Variants in MARCHF4 observed in about 807,000 individuals in gnomAD.
MARCHF4 encodes the protein membrane associated ring-CH-type finger 4.
Under a neutral mutation model 43.9 loss-of-function variants are expected in MARCHF4, and 14 were observed. The ratio of observed to expected loss-of-function variants is 0.32; its 90% CI spans 0.21 to 0.50. The LOEUF (loss-of-function observed/expected upper bound fraction) is 0.50. Among genes scored for constraint, MARCHF4 ranks in the 20% least tolerant of loss-of-function variants. MARCHF4 has a pLI of 0.98. For synonymous variants in MARCHF4, 226 were observed against 213.3 expected (o/e 1.06, Z -0.52); for missense variants, 468 against 536.7 (o/e 0.87, Z 1.27).
intron 1 of MARCHF4, among the ~76,000 whole-genome samples, chr2:216,314,291 G>A (rs767667956): frequency 1.3e-5 from 2 of 151,642 alleles, no homozygotes; most frequent in Non-Finnish European, 2.9e-5. Flanking sequence ...AATTAGGGGT[G>A]CATATATTAA....
chr2:216,370,516 C>T lies in MARCHF4; in HGVS notation c.-256G>A, dbSNP rs1010783559. On this transcript the variant is annotated 5_prime_UTR_variant, in exon 1 of 4. Transcript: ENST00000273067. ...TGCCCTCACACACCCACCCCAACCT[C>T]CAACTTTGTTCAGTGTGTCTCCTTT... 1.5e-5 allele frequency: 6 copies of T among 407,112 alleles called. No individual in the cohort carries two copies. Among genetic ancestry groups the T allele is most frequent in the Non-Finnish European group, 2.2e-5 (5 of 228,848 alleles). 25.2% of individuals were successfully genotyped at this position (407,112 alleles called of 1,614,324 possible).
intron 2 of MARCHF4, 129 bp downstream of exon 2, chr2:216,283,445 G>T: frequency 1.8e-6 from 2 of 1,127,574 alleles, no homozygotes; most frequent in Non-Finnish European, 2.5e-6. Context: ...CACCGTGCTT[G>T]CCCACCCAGC....
chr2:216,359,076 C>A (rs1692540637), intron 1 of MARCHF4, among the ~76,000 whole-genome samples: 1 of 152,202 alleles, frequency 6.6e-6, no homozygotes, highest in Admixed American at 6.5e-5. Flanking sequence ...AACAGACAAA[C>A]CCCCAAGCTT....
In MARCHF4 at chr2:216,318,806, C is replaced by G. The variant is rs551614024; in HGVS notation, c.517-35077G>C. 7.9e-5 allele frequency among the ~76,000 whole-genome samples: 12 copies of G among 152,208 alleles called. No individual in the cohort carries two copies. In the East Asian group the frequency reaches 2.3e-3, roughly 29 times the overall value. On this transcript the variant is annotated intron_variant, in intron 1 of 3. Transcript: ENST00000273067. ...CAGCTAAAGAGATTTTCCTCACCCC[C>G]AAACTTTAATGATGTGACTAAGAAA... is the stretch of plus-strand genomic sequence containing the variant.
chr2:216,340,263 G>T (rs537913227), intron 1 of MARCHF4, among the ~76,000 whole-genome samples: 2 of 152,306 alleles, frequency 1.3e-5, no homozygotes, highest in Admixed American at 1.3e-4. Context: ...ACCTCGGAGT[G>T]GGCTGGGAGG....
At chr2:216,361,433 G>T (rs1203160852) in intron 1 of MARCHF4, among the ~76,000 whole-genome samples, 1 of 152,118 alleles carries the variant, frequency 6.6e-6, no homozygotes, top group African/African-American at 2.4e-5. Context: ...TACATATTGG[G>T]CAACTGTTTC....
At chr2:216,341,936 T>G (rs954320592) in intron 1 of MARCHF4, among the ~76,000 whole-genome samples, 7 of 152,208 alleles carry the variant, frequency 4.6e-5, no homozygotes, top group African/African-American at 1.7e-4. Context: ...ATCAGCCATA[T>G]GCCCAGAGGG....
chr2:216,271,337 G>T (rs1690934008), intron 3 of MARCHF4, among the ~76,000 whole-genome samples: 1 of 152,130 alleles, frequency 6.6e-6, no homozygotes, highest in African/African-American at 2.4e-5. Context: ...CCCTCTTCTG[G>T]ATGAACTTTG....
At chr2:216,354,531 T>C (rs1280485810) in intron 1 of MARCHF4, among the ~76,000 whole-genome samples, 1 of 152,206 alleles carries the variant, frequency 6.6e-6, no homozygotes, top group Non-Finnish European at 1.5e-5. Context: ...CGCCAGTTTC[T>C]TGCACTAGAC....
intron 1 of MARCHF4, among the ~76,000 whole-genome samples, chr2:216,362,278 G>A (rs887596099): frequency 4.6e-5 from 7 of 152,124 alleles, no homozygotes; most frequent in Non-Finnish European, 8.8e-5. Context: ...TGGCCTTTTC[G>A]TTTATACACA....
intron 1 of MARCHF4, among the ~76,000 whole-genome samples, chr2:216,328,602 G>A (rs114174255): frequency 0.01 from 1,570 of 152,298 alleles, 37 homozygotes; most frequent in African/African-American, 0.036. Context: ...ACATCACCCA[G>A]AGTTTACTAG....
At chr2:216,302,628 T>C (rs936130843) in intron 1 of MARCHF4, among the ~76,000 whole-genome samples, 3 of 151,862 alleles carry the variant, frequency 2.0e-5, no homozygotes, top group Non-Finnish European at 4.4e-5. Context: ...CCGGGTGTGG[T>C]GGTTTATTCC....
At chr2:216,316,063 G>A (rs916315840) in intron 1 of MARCHF4, among the ~76,000 whole-genome samples, 2 of 152,188 alleles carry the variant, frequency 1.3e-5, no homozygotes, top group African/African-American at 4.8e-5. Context: ...TCTGCTCAAT[G>A]TTTTCTCTTT....
chr2:216,336,353 A>G (rs1047130011), intron 1 of MARCHF4, among the ~76,000 whole-genome samples: 2 of 152,210 alleles, frequency 1.3e-5, no homozygotes, highest in African/African-American at 2.4e-5. Context: ...ACAAAGCCCC[A>G]TCATTTCAAC....
intron 1 of MARCHF4, among the ~76,000 whole-genome samples, chr2:216,348,784 C>A (rs886309115): frequency 6.6e-6 from 1 of 152,142 alleles, no homozygotes; most frequent in Admixed American, 6.5e-5. Context: ...GATCAGGACC[C>A]TTTGCCTGTA....
chr2:216,344,415 G>A (rs2030493), intron 1 of MARCHF4, among the ~76,000 whole-genome samples: 57,755 of 151,960 alleles, frequency 0.38, 11,462 homozygotes, highest in East Asian at 0.65. Flanking sequence ...TCACAAATGG[G>A]GAAGGGCCCA....
chr2:216,266,539 A>T (rs562549763), intron 3 of MARCHF4, among the ~76,000 whole-genome samples: 35 of 152,228 alleles, frequency 2.3e-4, no homozygotes, highest in African/African-American at 7.2e-4. Context: ...GGTAAAAAGC[A>T]CTCTAGAGAC....
At chr2:216,361,649 G>C (rs925465193) in intron 1 of MARCHF4, among the ~76,000 whole-genome samples, 3 of 152,210 alleles carry the variant, frequency 2.0e-5, no homozygotes, top group Admixed American at 2.0e-4. Context: ...AGAGGACAGA[G>C]TTCAGCTGAA....
chr2:216,309,639 A>G (rs552993427), intron 1 of MARCHF4, among the ~76,000 whole-genome samples: 6 of 152,160 alleles, frequency 3.9e-5, no homozygotes, highest in South Asian at 2.1e-4. Context: ...GGAAAAAACT[A>G]TTTTAGTCTG....
Sources: gnomAD v4.1 joint callset for allele counts (sites outside exome capture counted in the v4.1 genomes callset) on GRCh38, gnomAD v4.1.1 for gene constraint, MANE v1.5 for transcripts, NCBI Gene and HGNC (gene_info 2026-07-23, HGNC 2026-07-21) for gene names.